LY75: variants seen among roughly 807,000 people sequenced by gnomAD.
The protein encoded by LY75 is C-type lectin domain family 13 member B.
Under a neutral mutation model 231.7 loss-of-function variants are expected in LY75, and 185 were observed. The observed-to-expected ratio is 0.80, with a 90% CI of 0.71 to 0.90. LY75 has a LOEUF of 0.90. LY75 is among the 40% of genes least tolerant of loss of function. LY75 has a pLI of 0.00. For missense variants in LY75, 1,947 were observed against 2,050.2 expected, an observed-to-expected ratio of 0.95 and a Z score of 0.97; for synonymous variants, 668 against 689.0, an observed-to-expected ratio of 0.97 and a Z score of 0.48.
chr2:159,815,291 G>A, intron 31 of LY75, 114 bp downstream of exon 31: 8 of 1,359,200 alleles, frequency 5.9e-6, no homozygotes, highest in Non-Finnish European at 7.8e-6. Context: ...GCGAGCCACT[G>A]CGCCCGGCCC....
chr2:159,882,482 T>C (rs1685466308), intron 6 of LY75, among the ~76,000 whole-genome samples, 167 bp from the exon 7 acceptor site: 1 of 152,122 alleles, frequency 6.6e-6, no homozygotes, highest in African/African-American at 2.4e-5. Context: ...ATAAATGAGG[T>C]ATATATAGCA....
intron 25 of LY75, among the ~76,000 whole-genome samples, chr2:159,839,822 A>G (rs1235782029): frequency 6.6e-6 from 1 of 152,000 alleles, no homozygotes; most frequent in African/African-American, 2.4e-5. Context: ...CCTTGCCAAC[A>G]TGGTGAAACC....
chr2:159,862,916 T>G (rs1405355576), intron 14 of LY75, among the ~76,000 whole-genome samples: 1 of 152,084 alleles, frequency 6.6e-6, no homozygotes, highest in East Asian at 1.9e-4. Context: ...CCTATCTAAA[T>G]GAAATTTTGT....
rs375236654 is a variant in LY75 at position 159,850,074 on chromosome 2, T to A, written c.3056A>T (p.Tyr1019Phe). 8.1e-6 allele frequency: 13 copies of A among 1,614,000 alleles called. No homozygotes were observed. Among genetic ancestry groups the A allele is most frequent in the African/African-American group, 4.0e-5 (3 of 75,054 alleles). The change falls in exon 23 of 35, where the codon TAT (tyrosine) becomes TTT (phenylalanine). Residue 1019 changes from tyrosine to phenylalanine, a missense_variant. Physicochemically the swap from Tyr to Phe is conservative, Grantham distance 22 (BLOSUM62 3). Coordinates refer to ENST00000263636, the MANE Select transcript of LY75 (RefSeq NM_002349.4). ...TLWIGLRWTAYEKINKWTDNR... is the reference protein window; with the variant it reads ...TLWIGLRWTAFEKINKWTDNR... ...ATCTGTCCATTTGTTTATCTTTTCA[T>A]AGGCAGTCCAGCGCAAACCAATCCA...
intron 13 of LY75, among the ~76,000 whole-genome samples, chr2:159,871,642 T>G (rs909225010): frequency 6.6e-6 from 1 of 152,076 alleles, no homozygotes. Context: ...ACTTTATTAT[T>G]ATTGAACAAA....
At position 159,805,209 on chromosome 2, in the gene LY75, T is replaced by C; in HGVS notation, c.5004A>G (p.Thr1668=). 1 of 1,613,828 alleles carries C rather than the reference T, an allele frequency of 6.2e-7. No individual in the cohort carries two copies. The highest frequency in any genetic ancestry group is 8.5e-7 in the Non-Finnish European group (1 of 1,179,830). The change falls in exon 35 of 35, where the codon ACA becomes ACG. Residue 1668 remains threonine, a synonymous_variant. Coordinates refer to ENST00000263636, the MANE Select transcript of LY75 (RefSeq NM_002349.4). ...GTGTGGCAACTATGATAGCTATTGC[T>C]GTGTAATCAGGGCCTGGAACAGGAA... ...VCKVPLGPDY[T]AIAIIVATLS...
intron 13 of LY75, among the ~76,000 whole-genome samples, chr2:159,868,547 G>A (rs1338634952): frequency 6.6e-6 from 1 of 152,040 alleles, no homozygotes; most frequent in Non-Finnish European, 1.5e-5. Context: ...TTTTAAAGAA[G>A]GGAGTGCTCA....
intron 27 of LY75, among the ~76,000 whole-genome samples, chr2:159,832,830 T>C (rs1031784672): frequency 2.6e-5 from 4 of 152,224 alleles, no homozygotes; most frequent in Non-Finnish European, 5.9e-5. Flanking sequence ...ATACGGAGCA[T>C]GCTTTGGGAA....
intron 7 of LY75, 78 bp from the exon 8 acceptor site, chr2:159,881,318 T>C (rs1474515687): frequency 2.7e-6 from 4 of 1,454,714 alleles, no homozygotes; most frequent in South Asian, 1.5e-5. Flanking sequence ...CAAATTTTTA[T>C]ATTCTGATAT....
intron 23 of LY75, among the ~76,000 whole-genome samples, 165 bp downstream of exon 23, chr2:159,849,815 G>A (rs190957472): frequency 2.9e-4 from 44 of 152,142 alleles, no homozygotes; most frequent in East Asian, 1.4e-3. Flanking sequence ...TCCATCCCCC[G>A]TAGCCTCTAG....
chr2:159,884,320 T>C (rs529774447), intron 6 of LY75, among the ~76,000 whole-genome samples: 20 of 152,276 alleles, frequency 1.3e-4, no homozygotes, highest in African/African-American at 4.3e-4. Context: ...GAGTATTAGT[T>C]TCTCTCATTT....
intron 4 of LY75, among the ~76,000 whole-genome samples, chr2:159,888,986 CATT>C (rs1454319296): frequency 6.6e-6 from 1 of 152,130 alleles, no homozygotes; most frequent in Non-Finnish European, 1.5e-5. Flanking sequence ...GGCACATCAT[CATT>C]ATCATATATT....
intron 23 of LY75, among the ~76,000 whole-genome samples, chr2:159,847,275 A>C (rs931729983): frequency 2.0e-5 from 3 of 152,062 alleles, no homozygotes; most frequent in African/African-American, 7.2e-5. Flanking sequence ...TGGCCTCCTA[A>C]AGTGCTAGGA....
chr2:159,850,601 T>C (rs1684356712), intron 21 of LY75, 134 bp from the exon 22 acceptor site: 5 of 1,104,548 alleles, frequency 4.5e-6, no homozygotes, highest in South Asian at 1.7e-5. Context: ...TGTAGTACCA[T>C]AAGAATTCAA....
intron 23 of LY75, among the ~76,000 whole-genome samples, chr2:159,845,037 C>T (rs1684161147): frequency 6.6e-6 from 1 of 152,052 alleles, no homozygotes; most frequent in Admixed American, 6.6e-5. Context: ...CCAGCTCCAT[C>T]CATGTTGCTC....
chr2:159,835,498 T>C lies in LY75; in HGVS notation c.3655A>G (p.Ile1219Val), dbSNP rs199994233. ...VDCNDNQPGA[I>V]CYYSGNETEK... is the part of the protein sequence containing the mutation. Reference sequence around the variant, plus strand: ...CACATACTTCCTGAATAGTAGCAAATAGCACCTGGTTGATTGTCATTGCAA... The same window carrying C: ...CACATACTTCCTGAATAGTAGCAAACAGCACCTGGTTGATTGTCATTGCAA... Residue 1219 changes from isoleucine (I) to valine (V), a missense_variant, in exon 26 of 35, where the codon ATT becomes GTT. Coordinates refer to ENST00000263636, the MANE Select transcript of LY75 (RefSeq NM_002349.4). The C allele has an allele frequency of 1.2e-6, 2 of 1,606,742 alleles. No homozygotes were observed. Among genetic ancestry groups the C allele is most frequent in the Non-Finnish European group, 1.7e-6 (2 of 1,177,438 alleles).
At chr2:159,810,119 C>T (rs907641437) in intron 32 of LY75, among the ~76,000 whole-genome samples, 3 of 152,204 alleles carry the variant, frequency 2.0e-5, no homozygotes, top group East Asian at 3.9e-4. Context: ...CTGCAACCTC[C>T]GCCTCCTGGG....
intron 33 of LY75, 78 bp from the exon 34 acceptor site, chr2:159,807,218 T>C (rs775922028): frequency 2.6e-5 from 39 of 1,488,338 alleles, no homozygotes; most frequent in Non-Finnish European, 3.5e-5. Context: ...ATGTAACTCA[T>C]CAGAACTGTG....
chr2:159,826,429 AC>A (rs58381132), intron 28 of LY75, among the ~76,000 whole-genome samples: 15,603 of 152,196 alleles, frequency 0.1, 2,749 homozygotes, highest in African/African-American at 0.36. Flanking sequence ...AAGGAGAACT[AC>A]AAACCACTGC....
Sources: gnomAD v4.1 joint callset for allele counts (sites outside exome capture counted in the v4.1 genomes callset) on GRCh38, gnomAD v4.1.1 for gene constraint, MANE v1.5 for transcripts, NCBI Gene and HGNC (gene_info 2026-07-23, HGNC 2026-07-21) for gene names.